FRMD3: variants seen among roughly 807,000 people sequenced by gnomAD.
FRMD3 encodes the protein FERM domain-containing protein 3.
In FRMD3, 33 loss-of-function variants were observed where a neutral mutation model predicts 70.2. That is an observed-to-expected ratio of 0.47 (90% CI 0.36 to 0.63). FRMD3 has a LOEUF of 0.63. Among genes scored for constraint, FRMD3 ranks in the 20% least tolerant of loss-of-function variants. FRMD3 has a pLI of 0.00. For synonymous variants in FRMD3, 279 were observed against 255.9 expected (o/e 1.09, Z -0.86); for missense variants, 632 against 711.4 (o/e 0.89, Z 1.27).
chr9:83,416,536 T>C (rs1250411360), intron 1 of FRMD3, among the ~76,000 whole-genome samples: 1 of 152,198 alleles, frequency 6.6e-6, no homozygotes, highest in African/African-American at 2.4e-5. Context: ...GTTCAGAAAA[T>C]ATCCTTACAA....
intron 13 of FRMD3, among the ~76,000 whole-genome samples, chr9:83,259,793 G>A (rs1554677611): frequency 6.6e-6 from 1 of 152,108 alleles, no homozygotes; most frequent in Non-Finnish European, 1.5e-5. Context: ...TCCTCCTGAG[G>A]TGGGCTAAAC....
Position 83,484,757 on chromosome 9 carries a change from TAGACATGTAAG to T in FRMD3, c.147+53317_147+53327del, listed in dbSNP as rs1828648050. On this transcript the variant is annotated intron_variant, in intron 1 of 13. Coordinates refer to ENST00000304195, the MANE Select transcript of FRMD3 (RefSeq NM_174938.6). ...TAAGGAGGAATGAAATACCAATGAA[TAGACATGTAAG>T]AGTATCAAATCTAGCAAAAGAGAAA... is the stretch of plus-strand genomic sequence containing the variant. Among the ~76,000 whole-genome samples the T allele has an allele frequency of 2.0e-5, 3 of 152,254 alleles. No individual in the cohort carries two copies. The South Asian group carries it at 6.2e-4, about 32-fold the overall frequency.
At position 83,348,222 on chromosome 9, in the gene FRMD3, C is replaced by T. The variant is rs545154569; in HGVS notation, c.374+1457G>A. ...CACCCTGAGGGCAGGAAAAATAGCT[C>T]GCTCGCTCTCTCCTCTCTCTCTCTC... On this transcript the variant is annotated intron_variant, in intron 4 of 13. Transcript: ENST00000304195. 8.5e-4 allele frequency among the ~76,000 whole-genome samples: 130 copies of T among 152,228 alleles called. 2 individuals carry two copies. Among genetic ancestry groups the T allele is most frequent in the African/African-American group, 2.9e-3 (122 of 41,536 alleles).
At chr9:83,296,210 C>T (rs187538415) in intron 12 of FRMD3, among the ~76,000 whole-genome samples, 114 of 152,306 alleles carry the variant, frequency 7.5e-4, no homozygotes, top group African/African-American at 2.6e-3. Flanking sequence ...GAACAATTTT[C>T]TACCACACAA....
chr9:83,248,054 C>T lies in FRMD3; in HGVS notation c.1658G>A (p.Gly553Asp). Residue 553 changes from glycine (G) to aspartate (D), a missense_variant, in exon 14 of 14, where the codon GGT becomes GAT. Physicochemically the swap from Gly to Asp is moderately conservative, Grantham distance 94 (BLOSUM62 -1). Around this residue, in one of 3 missense-constraint regions of FRMD3, gnomAD observed 418 missense variants for 442.1 expected, o/e 0.95. Transcript: ENST00000304195. ...FPLLLLLLES[G>D]IDLSFLCEIR... ...TTCGCATAAGAAGGAGAGATCAATA[C>T]CTGACTCCAAAAGGAGGAGGAGCAG... 1 of 1,614,124 alleles carries T rather than the reference C, an allele frequency of 6.2e-7. No individual in the cohort carries two copies. The highest frequency in any genetic ancestry group is 8.5e-7 in the Non-Finnish European group (1 of 1,180,034).
chr9:83,499,698 A>G (rs1449404452), intron 1 of FRMD3, among the ~76,000 whole-genome samples: 2 of 152,254 alleles, frequency 1.3e-5, no homozygotes, highest in Non-Finnish European at 2.9e-5. Context: ...GTGGGAATGT[A>G]AAATGGTTTG....
the FRMD3 span, among the ~76,000 whole-genome samples, chr9:83,567,441 C>T: frequency 6.6e-6 from 1 of 152,220 alleles, no homozygotes; most frequent in East Asian, 1.9e-4. Context: ...TAACATTAGG[C>T]TGCTTGCTAC....
At chr9:83,426,773 G>A (rs1003827271) in intron 1 of FRMD3, among the ~76,000 whole-genome samples, 9 of 152,200 alleles carry the variant, frequency 5.9e-5, no homozygotes, top group Non-Finnish European at 1.3e-4. Context: ...AGCTTTGAAG[G>A]GGTGGAGAGG....
chr9:83,358,094 T>G (rs961593307), intron 3 of FRMD3, among the ~76,000 whole-genome samples: 3 of 152,222 alleles, frequency 2.0e-5, no homozygotes, highest in Admixed American at 1.3e-4. Flanking sequence ...TTGATCCATC[T>G]TGAGTTGATT....
intron 3 of FRMD3, among the ~76,000 whole-genome samples, chr9:83,366,751 T>A (rs1587778737): frequency 6.6e-6 from 1 of 152,246 alleles, no homozygotes; most frequent in Non-Finnish European, 1.5e-5. Context: ...AGTTTTTTCA[T>A]GCTAATATAA....
At position 83,304,328 on chromosome 9, in the gene FRMD3, G is replaced by C. The variant is rs114175613; in HGVS notation, c.927-5142C>G. 3.9e-3 allele frequency among the ~76,000 whole-genome samples: 597 copies of C among 152,316 alleles called. 2 individuals carry two copies. Among genetic ancestry groups the C allele is most frequent in the African/African-American group, 0.013 (556 of 41,566 alleles). On this transcript the variant is annotated intron_variant, in intron 10 of 13. Coordinates refer to ENST00000304195, the MANE Select transcript of FRMD3 (RefSeq NM_174938.6). ...AGGTGATGTTAATGTAGTCAGGATTGAGAACTGCTGATTTAGAACCTTATT... is the reference window on the plus strand; with the variant it reads ...AGGTGATGTTAATGTAGTCAGGATTCAGAACTGCTGATTTAGAACCTTATT...
At chr9:83,476,058 C>T (rs938575556) in intron 1 of FRMD3, among the ~76,000 whole-genome samples, 4 of 152,056 alleles carry the variant, frequency 2.6e-5, no homozygotes, top group African/African-American at 9.7e-5. Flanking sequence ...AGTGCTGTAT[C>T]CTTGGGCCGA....
intron 1 of FRMD3, among the ~76,000 whole-genome samples, chr9:83,403,998 G>A (rs977105650): frequency 2.6e-5 from 4 of 151,978 alleles, no homozygotes; most frequent in South Asian, 2.1e-4. Context: ...TAGCAGGCCT[G>A]TGACCCACAC....
intron 6 of FRMD3, among the ~76,000 whole-genome samples, chr9:83,317,193 TACAC>T (rs71823603): frequency 0.019 from 2,796 of 144,698 alleles, 41 homozygotes; most frequent in African/African-American, 0.035. Context: ...CTCTCATGCA[TACAC>T]ACACACACAC....
intron 1 of FRMD3, among the ~76,000 whole-genome samples, chr9:83,390,524 T>C (rs1407090278): frequency 2.0e-5 from 3 of 152,184 alleles, no homozygotes; most frequent in Non-Finnish European, 4.4e-5. Context: ...TGTGTGACCT[T>C]GGGTAAACCC....
the FRMD3 span, among the ~76,000 whole-genome samples, chr9:83,554,499 A>G: frequency 6.6e-6 from 1 of 152,212 alleles, no homozygotes; most frequent in East Asian, 1.9e-4. Context: ...GTCAGCACAA[A>G]ATGAACGGTT....
At chr9:83,349,199 G>A (rs891139572) in intron 4 of FRMD3, among the ~76,000 whole-genome samples, 9 of 152,154 alleles carry the variant, frequency 5.9e-5, no homozygotes, top group East Asian at 3.9e-4. Context: ...TCAAAAATTC[G>A]GAGAGTTGGG....
At chr9:83,576,931 C>T in the FRMD3 span, among the ~76,000 whole-genome samples, 4 of 152,108 alleles carry the variant, frequency 2.6e-5, no homozygotes, top group African/African-American at 4.8e-5. Flanking sequence ...TATGCACTAT[C>T]GATTGTATTT....
chr9:83,423,446 A>G (rs970277875), intron 1 of FRMD3, among the ~76,000 whole-genome samples: 4 of 152,116 alleles, frequency 2.6e-5, no homozygotes, highest in Non-Finnish European at 1.5e-5. Context: ...GGGCACCAAC[A>G]CTGCCATCAG....
Sources: allele counts gnomAD v4.1 joint callset (sites outside exome capture counted in the v4.1 genomes callset), GRCh38; gene constraint gnomAD v4.1.1; regional missense constraint gnomAD v4.1.1; transcripts MANE v1.5; gene names NCBI Gene and HGNC (gene_info 2026-07-23, HGNC 2026-07-21).